Variants in SNX7 observed in about 807,000 individuals in gnomAD.
SNX7 encodes the protein sorting nexin 7, also known as sorting nexin-7.
SNX7 carries 35 observed loss-of-function variants against 48.4 expected under a neutral mutation model. That is an observed-to-expected ratio of 0.72 (90% confidence interval 0.55 to 0.96). SNX7 has a LOEUF of 0.96. SNX7 is among the 40% of genes least tolerant of loss of function. The pLI is 0.00. For missense variants in SNX7, 553 were observed against 548.9 expected, an observed-to-expected ratio of 1.01 and a Z score of -0.07; for synonymous variants, 190 against 190.2, an observed-to-expected ratio of 1.00 and a Z score of 0.01.
intron 7 of SNX7, among the ~76,000 whole-genome samples, chr1:98,731,860 T>C (rs1653531679): frequency 6.6e-6 from 1 of 152,134 alleles, no homozygotes; most frequent in Non-Finnish European, 1.5e-5. Flanking sequence ...CTCTACAAAG[T>C]TTCCTGAATT....
chr1:98,691,295 T>A (rs1458102949), intron 3 of SNX7, 110 bp downstream of exon 3: 1 of 623,162 alleles, frequency 1.6e-6, no homozygotes, highest in Admixed American at 3.7e-5. Context: ...AATTCATTTA[T>A]CTTAGGAATA....
chr1:98,744,461 T>TG (rs1654223958), intron 8 of SNX7, among the ~76,000 whole-genome samples: 1 of 151,848 alleles, frequency 6.6e-6, no homozygotes, highest in Non-Finnish European at 1.5e-5. Context: ...AAGAGAGTTT[T>TG]GGGGGAAAAA....
At chr1:98,661,634 C>A (rs1003277170), upstream of SNX7, 2 of 1,069,166 alleles carry the variant, frequency 1.9e-6, no homozygotes, top group East Asian at 7.8e-5. Flanking sequence ...GGAGCGGGGC[C>A]GGCCGGGGAG....
At chr1:98,727,293 G>A (rs9324403) in intron 7 of SNX7, among the ~76,000 whole-genome samples, 84,024 of 152,006 alleles carry the variant, frequency 0.55, 24,266 homozygotes, top group Non-Finnish European at 0.64. Context: ...AGAGAGGCCT[G>A]ACTGTTAAAA....
intron 7 of SNX7, among the ~76,000 whole-genome samples, chr1:98,735,955 T>C (rs1298589182): frequency 6.6e-6 from 1 of 152,032 alleles, no homozygotes; most frequent in African/African-American, 2.4e-5. Context: ...GTTCTGAGAG[T>C]GAGTTCTTAA....
intron 7 of SNX7, among the ~76,000 whole-genome samples, chr1:98,731,187 A>G (rs7544741): frequency 0.56 from 84,314 of 149,850 alleles, 24,573 homozygotes; most frequent in Non-Finnish European, 0.64. Flanking sequence ...AGAAAACTCC[A>G]AAGTATAGGA....
chr1:98,684,780 T>G, intron 1 of SNX7, 105 bp from the exon 2 acceptor site: 3 of 808,478 alleles, frequency 3.7e-6, no homozygotes, highest in Non-Finnish European at 5.3e-6. Flanking sequence ...AAAAGTCCAA[T>G]AATCCCTTTT....
At chr1:98,748,620 A>G (rs1022505382) in intron 8 of SNX7, among the ~76,000 whole-genome samples, 28 of 145,864 alleles carry the variant, frequency 1.9e-4, no homozygotes, top group African/African-American at 6.9e-4. Flanking sequence ...CTGTATAGAA[A>G]AGGAAGAAAT....
At chr1:98,721,950 T>C (rs529461310) in intron 7 of SNX7, among the ~76,000 whole-genome samples, 1 of 152,240 alleles carries the variant, frequency 6.6e-6, no homozygotes. Flanking sequence ...GTGAATCCTT[T>C]ATATTCTGAT....
chr1:98,695,847 A>G, intron 5 of SNX7, 131 bp downstream of exon 5: 1 of 695,438 alleles, frequency 1.4e-6, no homozygotes, highest in Non-Finnish European at 2.5e-6. Context: ...TAGCCATCTT[A>G]TGGACATTTC....
In SNX7 at chr1:98,759,917, A is replaced by G. The variant is rs1396832011; in HGVS notation, c.1279-137A>G. The G allele has an allele frequency of 2.6e-5, 15 of 588,230 alleles. No homozygotes were observed. The East Asian group carries it at 3.6e-4, about 14-fold the overall frequency. The allele number at this position is 588,230 out of a possible 1,614,324, so 36.4% of individuals were successfully genotyped here. A position where few individuals can be genotyped will look rare whatever the true frequency, so the allele number is the denominator to read the frequency against. On this transcript the variant is annotated intron_variant, in intron 8 of 8. Transcript: ENST00000306121. ...TAAGAATTAAAATATGTAGAAAATG[A>G]CAAGGATTCTGACAAGCTGATGGGA...
intron 1 of SNX7, among the ~76,000 whole-genome samples, chr1:98,665,096 A>G (rs1649468935): frequency 6.6e-6 from 1 of 152,192 alleles, no homozygotes; most frequent in Admixed American, 6.5e-5. Context: ...CTGTGGATAC[A>G]GTGTATGTGA....
At chr1:98,752,326 T>C (rs1161318827) in intron 8 of SNX7, among the ~76,000 whole-genome samples, 1 of 152,086 alleles carries the variant, frequency 6.6e-6, no homozygotes, top group African/African-American at 2.4e-5. Context: ...TAAAGATTTG[T>C]GTACATTAAT....
In SNX7 at chr1:98,678,025, TAGTC is replaced by T. The variant is rs566980192; in HGVS notation, c.181-6859_181-6856del. Among the ~76,000 whole-genome samples, 33 of 146,104 alleles carry T rather than the reference TAGTC, an allele frequency of 2.3e-4. 1 individual carries two copies. The South Asian group carries it at 6.3e-3, about 28-fold the overall frequency. ...TGTGTGTGTGTGTGTGTGTGTGTGTTAGTCTGTTCTTGCATTGCTATAAAGAAAT... is the reference window on the plus strand; with the variant it reads ...TGTGTGTGTGTGTGTGTGTGTGTGTTTGTTCTTGCATTGCTATAAAGAAAT... On this transcript the variant is annotated intron_variant, in intron 1 of 8. Coordinates refer to ENST00000306121, the MANE Select transcript of SNX7 (RefSeq NM_015976.5).
At chr1:98,726,818 C>A (rs1653199840) in intron 7 of SNX7, among the ~76,000 whole-genome samples, 1 of 152,204 alleles carries the variant, frequency 6.6e-6, no homozygotes. Flanking sequence ...CCCTGCTAGA[C>A]TGTAAGCTCC....
At chr1:98,759,214 GAAAAA>G (rs952668812) in intron 8 of SNX7, among the ~76,000 whole-genome samples, 1 of 142,110 alleles carries the variant, frequency 7.0e-6, no homozygotes, top group Admixed American at 7.0e-5. Flanking sequence ...ATCCACATTT[GAAAAA>G]AAAAAACATA....
At chr1:98,733,219 T>C (rs1280585310) in intron 7 of SNX7, among the ~76,000 whole-genome samples, 2 of 151,022 alleles carry the variant, frequency 1.3e-5, no homozygotes, top group South Asian at 4.2e-4. Flanking sequence ...CATCATCTCC[T>C]ATCACACCCT....
intron 1 of SNX7, among the ~76,000 whole-genome samples, chr1:98,682,762 C>T (rs1286644045): frequency 4.6e-5 from 7 of 152,164 alleles, no homozygotes; most frequent in East Asian, 3.9e-4. Flanking sequence ...AGGAGTACTA[C>T]CTACCCAACC....
intron 1 of SNX7, among the ~76,000 whole-genome samples, chr1:98,677,977 CTGTGTGTGTGTGCG>C (rs1274135950): frequency 7.0e-6 from 1 of 142,912 alleles, no homozygotes; most frequent in African/African-American, 2.7e-5. Context: ...CTGTATGAGT[CTGTGTGTGTGTGCG>C]TGTGTGTGTG....
Sources: allele counts gnomAD v4.1 joint callset (sites outside exome capture counted in the v4.1 genomes callset), GRCh38; gene constraint gnomAD v4.1.1; transcripts MANE v1.5; gene names NCBI Gene and HGNC (gene_info 2026-07-23, HGNC 2026-07-21).